UNC5D: variants seen among roughly 807,000 people sequenced by gnomAD.
The protein encoded by UNC5D is netrin receptor UNC5D.
In UNC5D, 39 loss-of-function variants were observed where a neutral mutation model predicts 105.4. The observed-to-expected ratio is 0.37, with a 90% confidence interval of 0.29 to 0.48. The LOEUF is 0.48. Among genes scored for constraint, UNC5D ranks in the 20% least tolerant of loss-of-function variants. UNC5D has a pLI of 0.98. For missense variants in UNC5D, 991 were observed against 1,202.4 expected (o/e 0.82, Z 2.60); for synonymous variants, 452 against 450.4 (o/e 1.00, Z -0.04).
chr8:35,475,912 A>G (rs1029320965), intron 1 of UNC5D, among the ~76,000 whole-genome samples: 1 of 152,106 alleles, frequency 6.6e-6, no homozygotes, highest in Non-Finnish European at 1.5e-5. Flanking sequence ...GGCAGATGCT[A>G]GTGCCATCAT....
At chr8:35,681,132 C>A (rs1825634016) in intron 4 of UNC5D, among the ~76,000 whole-genome samples, 1 of 152,116 alleles carries the variant, frequency 6.6e-6, no homozygotes. Flanking sequence ...AGAATAGAAG[C>A]CACAGACAGA....
At chr8:35,429,106 T>C (rs1052100542) in intron 1 of UNC5D, among the ~76,000 whole-genome samples, 1 of 152,158 alleles carries the variant, frequency 6.6e-6, no homozygotes, top group African/African-American at 2.4e-5. Flanking sequence ...ATTTAAATTG[T>C]ATAGAACACA....
chr8:35,601,644 G>A (rs1485145170), intron 4 of UNC5D, among the ~76,000 whole-genome samples: 3 of 152,186 alleles, frequency 2.0e-5, no homozygotes, highest in African/African-American at 7.2e-5. Context: ...TTTGCGCATT[G>A]ATTTTGTATC....
intron 1 of UNC5D, among the ~76,000 whole-genome samples, chr8:35,413,269 G>GTC (rs1805296807): frequency 5.1e-5 from 1 of 19,578 alleles, no homozygotes; most frequent in Admixed American, 8.7e-4. Context: ...GTGTGTGTGT[G>GTC]TGTGTGTGTG....
intron 3 of UNC5D, among the ~76,000 whole-genome samples, chr8:35,589,108 G>A (rs1818987272): frequency 6.6e-6 from 1 of 151,830 alleles, no homozygotes; most frequent in African/African-American, 2.4e-5. Context: ...TTTGGAATTA[G>A]ATGTATTTAA....
At chr8:35,743,363 G>A (rs1028986377) in intron 11 of UNC5D, among the ~76,000 whole-genome samples, 1 of 151,868 alleles carries the variant, frequency 6.6e-6, no homozygotes, top group African/African-American at 2.4e-5. Context: ...TCCACCTCCT[G>A]GGTTCAAGCA....
intron 1 of UNC5D, among the ~76,000 whole-genome samples, chr8:35,239,186 CT>C (rs1420041164): frequency 2.6e-5 from 4 of 152,030 alleles, no homozygotes; most frequent in Non-Finnish European, 5.9e-5. Context: ...ACTTTTTTTG[CT>C]CTCCAGATGA....
At chr8:35,535,540 C>T (rs1021380325) in intron 1 of UNC5D, among the ~76,000 whole-genome samples, 1 of 151,348 alleles carries the variant, frequency 6.6e-6, no homozygotes, top group African/African-American at 2.4e-5. Flanking sequence ...CTTTACCAAA[C>T]ACACTACGGC....
At chr8:35,277,113 G>A (rs1282215521) in intron 1 of UNC5D, among the ~76,000 whole-genome samples, 2 of 152,108 alleles carry the variant, frequency 1.3e-5, no homozygotes, top group Non-Finnish European at 1.5e-5. Flanking sequence ...TTGGTCTGGC[G>A]ATAATTTCCA....
chr8:35,371,523 C>CT (rs574655152), intron 1 of UNC5D, among the ~76,000 whole-genome samples: 37 of 152,064 alleles, frequency 2.4e-4, no homozygotes, highest in Admixed American at 1.8e-3. Flanking sequence ...GATATCAAGC[C>CT]TTTGTCTAGT....
At chr8:35,238,632 T>C (rs2128798892) in intron 1 of UNC5D, among the ~76,000 whole-genome samples, 1 of 152,278 alleles carries the variant, frequency 6.6e-6, no homozygotes, top group Admixed American at 6.5e-5. Flanking sequence ...CATCTGCTTG[T>C]TATTTTTGCC....
intron 16 of UNC5D, among the ~76,000 whole-genome samples, chr8:35,786,175 C>A (rs1802734618): frequency 6.6e-6 from 1 of 152,090 alleles, no homozygotes; most frequent in East Asian, 1.9e-4. Context: ...CTGTTAACTG[C>A]AAAGCTGATT....
At chr8:35,366,183 T>A (rs1347097604) in intron 1 of UNC5D, among the ~76,000 whole-genome samples, 2 of 152,130 alleles carry the variant, frequency 1.3e-5, no homozygotes, top group African/African-American at 4.8e-5. Context: ...TAATTGCATT[T>A]TTTTTTCTAA....
At chr8:35,671,671 TTATTA>T (rs1824815567) in intron 4 of UNC5D, among the ~76,000 whole-genome samples, 2 of 152,174 alleles carry the variant, frequency 1.3e-5, no homozygotes, top group South Asian at 2.1e-4. Flanking sequence ...TGCAGTTGTT[TTATTA>T]TATTAAGCAT....
rs1003825972 is a variant in UNC5D at position 35,753,299 on chromosome 8, C to T, written c.2163+2490C>T. 3.9e-5 allele frequency among the ~76,000 whole-genome samples: 6 copies of T among 151,914 alleles called. 1 individual carries two copies. Among genetic ancestry groups the T allele is most frequent in the South Asian group, 4.1e-4 (2 of 4,824 alleles). On this transcript the variant is annotated intron_variant, in intron 13 of 16. Transcript: ENST00000404895. Reference sequence around the variant, plus strand: ...TTTTTTGTTTTTTGAGATGGAGTCTCGCTCTGTCCCCCAGGCTGGAGTGCA... The same window carrying T: ...TTTTTTGTTTTTTGAGATGGAGTCTTGCTCTGTCCCCCAGGCTGGAGTGCA...
intron 1 of UNC5D, among the ~76,000 whole-genome samples, chr8:35,478,706 G>C (rs571994654): frequency 6.6e-6 from 1 of 151,086 alleles, no homozygotes; most frequent in Non-Finnish European, 1.5e-5. Flanking sequence ...GTCTGAAACT[G>C]ATGGTATTGA....
chr8:35,464,857 T>C (rs1011201499), intron 1 of UNC5D, among the ~76,000 whole-genome samples: 5 of 152,354 alleles, frequency 3.3e-5, no homozygotes, highest in African/African-American at 1.2e-4. Context: ...TGAGTGATTT[T>C]GAAATCCTCT....
At chr8:35,533,885 A>T (rs1027979052) in intron 1 of UNC5D, among the ~76,000 whole-genome samples, 2 of 152,124 alleles carry the variant, frequency 1.3e-5, no homozygotes, top group Non-Finnish European at 1.5e-5. Context: ...AAGTGAGGCA[A>T]TGCCTCGCCA....
intron 13 of UNC5D, among the ~76,000 whole-genome samples, chr8:35,751,260 TG>T (rs1830269199): frequency 6.6e-6 from 1 of 152,288 alleles, no homozygotes; most frequent in South Asian, 2.1e-4. Flanking sequence ...TACTGATCCA[TG>T]TGCAGGGTCT....
Sources: gnomAD v4.1 joint callset for allele counts (sites outside exome capture counted in the v4.1 genomes callset) on GRCh38, gnomAD v4.1.1 for gene constraint, MANE v1.5 for transcripts, NCBI Gene and HGNC (gene_info 2026-07-23, HGNC 2026-07-21) for gene names.